Variants in DHTKD1 observed in about 807,000 individuals in gnomAD.
The protein encoded by DHTKD1 is dehydrogenase E1 and transketolase domain containing 1, also known as 2-oxoadipate dehydrogenase complex component E1.
In DHTKD1, 78 loss-of-function variants were observed where a neutral mutation model predicts 101.8. That is an observed-to-expected ratio of 0.77 (90% CI 0.64 to 0.93). The LOEUF is 0.93. Among genes scored for constraint, DHTKD1 ranks in the 40% least tolerant of loss-of-function variants. The pLI is 0.00. For missense variants in DHTKD1, 1,223 were observed against 1,161.7 expected, an observed-to-expected ratio of 1.05 and a Z score of -0.77; for synonymous variants, 462 against 450.3, an observed-to-expected ratio of 1.03 and a Z score of -0.33.
In DHTKD1 at chr10:12,103,300, G is replaced by C. The variant is rs1588614470; in HGVS notation, c.1896+2119G>C. ...TGGGAGAAACTCCTGCTTGATCTTG[G>C]TAGTGAGAGTAGCTATATTTTCCTG... is the stretch of plus-strand genomic sequence containing the variant. On this transcript the variant is annotated intron_variant, in intron 10 of 16. Transcript: ENST00000263035. The surrounding 1 kb of genome is among the most constrained non-coding windows in gnomAD (Gnocchi z 4.8). Among the ~76,000 whole-genome samples the C allele has an allele frequency of 6.6e-6, 1 of 152,016 alleles. No homozygotes were observed. The highest frequency in any genetic ancestry group is 6.6e-5 in the Admixed American group (1 of 15,246).
At chr10:12,098,672 C>A (rs1253976330) in intron 8 of DHTKD1, among the ~76,000 whole-genome samples, 1 of 152,164 alleles carries the variant, frequency 6.6e-6, no homozygotes, top group African/African-American at 2.4e-5. Flanking sequence ...TCAAACGATT[C>A]TCCTGCCTCA....
intron 9 of DHTKD1, among the ~76,000 whole-genome samples, chr10:12,100,588 G>A (rs901058951): frequency 6.6e-6 from 1 of 152,104 alleles, no homozygotes; most frequent in African/African-American, 2.4e-5. Context: ...TGTCTAGCTA[G>A]TAGAGAGTAC....
intron 6 of DHTKD1, 53 bp downstream of exon 6, chr10:12,091,737 G>C: frequency 1.3e-6 from 2 of 1,538,876 alleles, no homozygotes; most frequent in Non-Finnish European, 1.8e-6. Context: ...GGAATTCCTA[G>C]GGAAACCTCT....
chr10:12,112,681 G>A (rs939995783), intron 12 of DHTKD1, among the ~76,000 whole-genome samples: 2 of 152,138 alleles, frequency 1.3e-5, no homozygotes, highest in African/African-American at 4.8e-5. Flanking sequence ...TGTGTTAGAT[G>A]ACACAGAATT....
At chr10:12,070,685 C>T (rs937550742) in intron 1 of DHTKD1, among the ~76,000 whole-genome samples, 6 of 152,126 alleles carry the variant, frequency 3.9e-5, no homozygotes, top group African/African-American at 1.2e-4. Flanking sequence ...GATGGGGTTT[C>T]ACCATGTTGG....
chr10:12,117,965 A>C (rs920010467), intron 14 of DHTKD1, among the ~76,000 whole-genome samples: 1 of 151,434 alleles, frequency 6.6e-6, no homozygotes. Flanking sequence ...TCTCAGCTCT[A>C]TGCAACCTCC....
chr10:12,120,381 T>C, intron 16 of DHTKD1, 114 bp downstream of exon 16: 1 of 863,566 alleles, frequency 1.2e-6, no homozygotes, highest in South Asian at 1.6e-5. Flanking sequence ...TTGCCCAGGC[T>C]GGAGTGCAGT....
At chr10:12,083,096 T>G (rs1055887080) in intron 2 of DHTKD1, among the ~76,000 whole-genome samples, 9 of 151,538 alleles carry the variant, frequency 5.9e-5, no homozygotes, top group African/African-American at 2.2e-4. Flanking sequence ...AAGCGGAGCT[T>G]GCAGTGAGCC....
chr10:12,101,967 G>A (rs1210135727), intron 10 of DHTKD1, among the ~76,000 whole-genome samples: 1 of 152,038 alleles, frequency 6.6e-6, no homozygotes, highest in Non-Finnish European at 1.5e-5. Flanking sequence ...GGATAGTAGT[G>A]GAGTCTTTTC....
Position 12,097,732 on chromosome 10 carries a change from C to A in DHTKD1, c.1407C>A (p.Gly469=), listed in dbSNP as rs80324702. The A allele has an allele frequency of 9.8e-4, 1,578 of 1,614,018 alleles. 40 individuals are homozygous for A. In the East Asian group the frequency reaches 0.035, roughly 35 times the overall value. The change falls in exon 8 of 17, where the codon GGC becomes GGA. Residue 469 remains glycine, a synonymous_variant. Coordinates refer to ENST00000263035, the MANE Select transcript of DHTKD1 (RefSeq NM_018706.7). The part of the protein sequence containing the change: ...PDTYAEHLIA[G]GLMTQEEVSE... ...CATATGCAGAGCACCTCATTGCTGG[C>A]GGACTCATGACGCAGGAGGAGGTGT...
At chr10:12,104,758 C>A (rs1327606266) in intron 10 of DHTKD1, among the ~76,000 whole-genome samples, 1 of 152,118 alleles carries the variant, frequency 6.6e-6, no homozygotes, top group Non-Finnish European at 1.5e-5. Context: ...ATCCTGGTGC[C>A]CCCTACTGTG....
At position 12,094,086 on chromosome 10, in the gene DHTKD1, C is replaced by T. The variant is rs766772195; in HGVS notation, c.1173C>T (p.Gly391=). ...TCTGTCCTTCAGGGAAGCTTGTGGG[C>T]TGTGCCATCATCCATGTCAATGGAG... ...LYCSDIGKLV[G]CAIIHVNGDS... Residue 391 remains glycine, a synonymous_variant, in exon 7 of 17, where the codon GGC becomes GGT. Coordinates refer to ENST00000263035, the MANE Select transcript of DHTKD1 (RefSeq NM_018706.7). 6 of 1,613,814 alleles carry T rather than the reference C, an allele frequency of 3.7e-6. No homozygotes were observed. The South Asian group carries it at 6.6e-5, about 18-fold the overall frequency.
Position 12,121,000 on chromosome 10 carries a change from A to G in DHTKD1, c.*112A>G, listed in dbSNP as rs1833518717. The G allele has an allele frequency of 1.1e-6, 1 of 898,232 alleles. No homozygotes were observed. The highest frequency in any genetic ancestry group is 1.7e-6 in the Non-Finnish European group (1 of 584,548). The allele number at this position is 898,232 out of a possible 1,614,324, so 55.6% of individuals were successfully genotyped here. ...TTTGGGAGGCCAAGGCTGGTGGATCACCTGAGGTCAGGAGTTCGAGACCAG... is the reference window on the plus strand; with the variant it reads ...TTTGGGAGGCCAAGGCTGGTGGATCGCCTGAGGTCAGGAGTTCGAGACCAG... On this transcript the variant is annotated 3_prime_UTR_variant, in exon 17 of 17. Coordinates refer to ENST00000263035, the MANE Select transcript of DHTKD1 (RefSeq NM_018706.7).
At chr10:12,113,519 C>T (rs1833368798) in intron 13 of DHTKD1, among the ~76,000 whole-genome samples, 1 of 147,128 alleles carries the variant, frequency 6.8e-6, no homozygotes, top group African/African-American at 2.4e-5. Context: ...TTTAAACAGC[C>T]TTTTAAGACT....
intron 7 of DHTKD1, 92 bp from the exon 8 acceptor site, chr10:12,097,592 T>C: frequency 8.5e-7 from 1 of 1,180,490 alleles, no homozygotes; most frequent in Non-Finnish European, 1.2e-6. Flanking sequence ...TTTAGAGTGC[T>C]GACACTCCAC....
chr10:12,116,395 T>C (rs866671985), intron 13 of DHTKD1: 1 of 152,158 alleles, frequency 6.6e-6, no homozygotes, highest in Non-Finnish European at 1.5e-5. Flanking sequence ...GCAATCTTTT[T>C]ACTTTTTTTT....
Position 12,112,939 on chromosome 10 carries a change from G to A in DHTKD1, c.2194G>A (p.Val732Met). ...GGAAGAGGGGGTGGACGGAGACACT[G>A]TGAACATGTTTGTGGTTCACCCAAC... is the stretch of plus-strand genomic sequence containing the variant. ...SAEEGVDGDT[V>M]NMFVVHPTTP... The change falls in exon 13 of 17, where the codon GTG becomes ATG. Residue 732 changes from valine (V) to methionine (M), a missense_variant. Transcript: ENST00000263035. The A allele has an allele frequency of 6.2e-7, 1 of 1,613,074 alleles. No homozygotes were observed.
intron 5 of DHTKD1, 36 bp downstream of exon 5, chr10:12,089,291 G>A (rs930269541): frequency 2.5e-6 from 4 of 1,591,330 alleles, no homozygotes; most frequent in Non-Finnish European, 3.4e-6. Context: ...CCAGAGGTGG[G>A]GAAAACTGGG....
intron 13 of DHTKD1, 21 bp downstream of exon 13, chr10:12,113,085 A>G (rs1282092494): frequency 1.3e-6 from 2 of 1,573,100 alleles, no homozygotes; most frequent in Non-Finnish European, 1.7e-6. Context: ...GGTGGTGAAT[A>G]AGCCTTCCTC....
Sources: gnomAD v4.1 joint callset for allele counts (sites outside exome capture counted in the v4.1 genomes callset) on GRCh38, gnomAD v4.1.1 for gene constraint, Gnocchi (gnomAD v3.1) non-coding constraint, MANE v1.5 for transcripts, NCBI Gene and HGNC (gene_info 2026-07-23, HGNC 2026-07-21) for gene names.